Variants in FHIT observed in about 807,000 individuals in gnomAD.
FHIT encodes the protein fragile histidine triad diadenosine triphosphatase.
FHIT carries 19 observed loss-of-function variants against 17.9 expected under a neutral mutation model. That is an observed-to-expected ratio of 1.06 (90% confidence interval 0.74 to 1.56). The LOEUF is 1.56. FHIT is among the 40% of genes most tolerant of loss of function. The pLI, the probability that FHIT is intolerant of heterozygous loss-of-function variation, is 0.00. For missense variants in FHIT, 248 were observed against 189.2 expected, an observed-to-expected ratio of 1.31 and a Z score of -1.82; for synonymous variants, 81 against 69.7, an observed-to-expected ratio of 1.16 and a Z score of -0.81.
chr3:60,233,161 T>C lies in FHIT; in HGVS notation c.104-219009A>G, dbSNP rs539610914. On this transcript the variant is annotated intron_variant, in intron 5 of 9. Transcript: ENST00000492590. ...TTTTCTATTTTCATATCTTATAACA[T>C]TTTTATAATAAAAAACTATTAAATC... Among the ~76,000 whole-genome samples the C allele has an allele frequency of 4.6e-5, 7 of 152,318 alleles. No homozygotes were observed. In the East Asian group the frequency reaches 7.7e-4, roughly 17 times the overall value.
chr3:61,018,130 A>G (rs1038611434), intron 3 of FHIT, among the ~76,000 whole-genome samples: 6 of 152,154 alleles, frequency 3.9e-5, no homozygotes, highest in African/African-American at 1.4e-4. Flanking sequence ...TACTTCTATC[A>G]TCCTTATTAT....
At chr3:60,485,923 G>GA (rs61010476) in intron 5 of FHIT, among the ~76,000 whole-genome samples, 14,490 of 151,952 alleles carry the variant, frequency 0.095, 984 homozygotes, top group African/African-American at 0.19. Flanking sequence ...TGAGATCAGA[G>GA]AAAAAATAAA....
At chr3:59,897,988 C>T (rs1383938069) in intron 8 of FHIT, among the ~76,000 whole-genome samples, 1 of 151,988 alleles carries the variant, frequency 6.6e-6, no homozygotes, top group Non-Finnish European at 1.5e-5. Context: ...AGGATGGTCT[C>T]GATCTCCTGA....
At chr3:60,260,925 A>G (rs1706260313) in intron 5 of FHIT, among the ~76,000 whole-genome samples, 1 of 152,034 alleles carries the variant, frequency 6.6e-6, no homozygotes, top group Non-Finnish European at 1.5e-5. Flanking sequence ...ACAGTTTACA[A>G]ATGCCATGGC....
chr3:59,829,395 G>A (rs1478316314), intron 8 of FHIT, among the ~76,000 whole-genome samples: 2 of 152,198 alleles, frequency 1.3e-5, no homozygotes, highest in Non-Finnish European at 2.9e-5. Context: ...TGCACCAGCA[G>A]TAGGAGGATG....
intron 2 of FHIT, among the ~76,000 whole-genome samples, chr3:61,120,720 G>C (rs2036432871): frequency 6.6e-6 from 1 of 152,048 alleles, no homozygotes; most frequent in African/African-American, 2.4e-5. Flanking sequence ...CCCAGCAAGG[G>C]AACAAAACTG....
chr3:59,889,935 T>G (rs1013815429), intron 8 of FHIT, among the ~76,000 whole-genome samples: 1 of 152,218 alleles, frequency 6.6e-6, no homozygotes, highest in African/African-American at 2.4e-5. Context: ...GAGGACTTAT[T>G]AGTGTCTGTT....
intron 4 of FHIT, among the ~76,000 whole-genome samples, chr3:60,660,228 G>A (rs2040208384): frequency 6.6e-6 from 1 of 152,134 alleles, no homozygotes; most frequent in Admixed American, 6.6e-5. Context: ...ACAATGGAAG[G>A]AAATGCAACA....
chr3:59,864,055 C>T (rs780274082), intron 8 of FHIT, among the ~76,000 whole-genome samples: 9 of 152,206 alleles, frequency 5.9e-5, no homozygotes, highest in Non-Finnish European at 1.0e-4. Context: ...TTGTTTCTTT[C>T]TGCCATGACA....
chr3:60,866,437 C>A (rs1216951020), intron 3 of FHIT, among the ~76,000 whole-genome samples: 10 of 152,094 alleles, frequency 6.6e-5, no homozygotes, highest in Admixed American at 3.3e-4. Context: ...CTCAAGCAGC[C>A]AGTGGAGAGG....
At chr3:61,118,211 C>G in intron 2 of FHIT, among the ~76,000 whole-genome samples, 1 of 152,156 alleles carries the variant, frequency 6.6e-6, no homozygotes, top group East Asian at 1.9e-4. Context: ...CTCATTAAGT[C>G]GCTGAAAGGC....
intron 2 of FHIT, among the ~76,000 whole-genome samples, chr3:61,103,523 A>G (rs1036742157): frequency 6.6e-6 from 1 of 152,158 alleles, no homozygotes; most frequent in African/African-American, 2.4e-5. Flanking sequence ...AGAAGAATGT[A>G]TATTCTGTTG....
intron 4 of FHIT, among the ~76,000 whole-genome samples, chr3:60,543,251 T>A (rs1369622468): frequency 6.6e-6 from 1 of 152,108 alleles, no homozygotes; most frequent in Non-Finnish European, 1.5e-5. Flanking sequence ...GCAGCCCAGA[T>A]TTGGTTTATA....
At position 60,557,911 on chromosome 3, in the gene FHIT, T is replaced by C. The variant is rs768498104; in HGVS notation, c.-17-20932A>G. Among the ~76,000 whole-genome samples, 9 of 152,094 alleles carry C rather than the reference T, an allele frequency of 5.9e-5. 1 individual carries two copies. Among genetic ancestry groups the C allele is most frequent in the Admixed American group, 4.6e-4 (7 of 15,264 alleles). On this transcript the variant is annotated intron_variant, in intron 4 of 9. Coordinates refer to ENST00000492590, the MANE Select transcript of FHIT (RefSeq NM_002012.4). ...AAATACTATTTCAAATGCCAGCTAT[T>C]AGTAACCCATACATTTGCACCCTGG...
chr3:61,202,694 A>C (rs952156561), intron 1 of FHIT, among the ~76,000 whole-genome samples: 3 of 150,466 alleles, frequency 2.0e-5, no homozygotes. Context: ...AAAATCTTAA[A>C]GTCAACCAGA....
chr3:60,573,842 C>T (rs1290104108), intron 4 of FHIT, among the ~76,000 whole-genome samples: 1 of 151,762 alleles, frequency 6.6e-6, no homozygotes, highest in East Asian at 1.9e-4. Flanking sequence ...TGGAGTCTTG[C>T]TCTGTCACCC....
chr3:60,921,147 C>T (rs797034121), intron 3 of FHIT, among the ~76,000 whole-genome samples: 2 of 152,296 alleles, frequency 1.3e-5, no homozygotes, highest in African/African-American at 2.4e-5. Flanking sequence ...AACGACACTT[C>T]TGAGTGGTGG....
intron 2 of FHIT, among the ~76,000 whole-genome samples, chr3:61,067,289 A>G (rs922747133): frequency 6.6e-6 from 1 of 152,168 alleles, no homozygotes; most frequent in African/African-American, 2.4e-5. Context: ...GAACCCAGAA[A>G]AACTATGTAC....
intron 2 of FHIT, among the ~76,000 whole-genome samples, chr3:61,188,383 A>T (rs972017211): frequency 6.6e-6 from 1 of 152,212 alleles, no homozygotes; most frequent in African/African-American, 2.4e-5. Context: ...CTAAACCAGA[A>T]AGAAGTTGAA....
Sources: allele counts gnomAD v4.1 joint callset (sites outside exome capture counted in the v4.1 genomes callset), GRCh38; gene constraint gnomAD v4.1.1; transcripts MANE v1.5; gene names NCBI Gene and HGNC (gene_info 2026-07-23, HGNC 2026-07-21).